Variants in CSMD1 observed in about 807,000 individuals in gnomAD.
CSMD1 encodes CUB and Sushi multiple domains 1.
Under a neutral mutation model 417.5 loss-of-function variants are expected in CSMD1, and 213 were observed. The observed-to-expected ratio is 0.51, with a 90% CI of 0.46 to 0.57. The LOEUF is 0.57. Ranked by LOEUF, CSMD1 falls within the 20% of genes least tolerant of loss-of-function variation. The probability of loss-of-function intolerance (pLI) is 0.00; values close to 1 mark genes in which losing one functional copy is unlikely to be tolerated. For missense variants in CSMD1, 6,923 were observed against 4,529.7 expected (o/e 1.53, Z -15.17); for synonymous variants, 2,862 against 1,736.8 (o/e 1.65, Z -16.11).
At chr8:3,290,182 C>A (rs1803445593) in intron 25 of CSMD1, among the ~76,000 whole-genome samples, 1 of 147,064 alleles carries the variant, frequency 6.8e-6, no homozygotes, top group African/African-American at 2.7e-5. Flanking sequence ...TTCCATTGGT[C>A]TCTATCTCTG....
intron 1 of CSMD1, among the ~76,000 whole-genome samples, chr8:4,864,875 TACAC>T (rs35135942): frequency 6.8e-6 from 1 of 146,896 alleles, no homozygotes; most frequent in South Asian, 2.1e-4. Context: ...TGGATTCTAC[TACAC>T]ACACACACAC....
chr8:4,367,164 T>G (rs896722429), intron 3 of CSMD1, among the ~76,000 whole-genome samples: 2 of 152,220 alleles, frequency 1.3e-5, no homozygotes, highest in African/African-American at 2.4e-5. Context: ...TTTCTATGAT[T>G]TTAATTGTGT....
At chr8:4,248,613 A>G (rs987880026) in intron 3 of CSMD1, among the ~76,000 whole-genome samples, 22 of 152,164 alleles carry the variant, frequency 1.4e-4, no homozygotes, top group Admixed American at 1.4e-3. Flanking sequence ...GAACTTCTCG[A>G]AAAGACCTTT....
chr8:4,337,794 A>C (rs1446884622), intron 3 of CSMD1, among the ~76,000 whole-genome samples: 1 of 152,172 alleles, frequency 6.6e-6, no homozygotes, highest in Non-Finnish European at 1.5e-5. Context: ...CACAGCTCTG[A>C]TAAATTTTTA....
At chr8:3,312,547 AG>A (rs1258659675) in intron 23 of CSMD1, among the ~76,000 whole-genome samples, 1 of 152,198 alleles carries the variant, frequency 6.6e-6, no homozygotes, top group Non-Finnish European at 1.5e-5. Flanking sequence ...GTTCTCTCAA[AG>A]CTCCTCGCAG....
chr8:4,394,432 G>A (rs754930398), intron 3 of CSMD1, among the ~76,000 whole-genome samples: 1 of 152,100 alleles, frequency 6.6e-6, no homozygotes, highest in Non-Finnish European at 1.5e-5. Flanking sequence ...TATTCAATAT[G>A]CGATTTTTAG....
intron 2 of CSMD1, among the ~76,000 whole-genome samples, chr8:4,424,632 G>T (rs974275591): frequency 6.6e-6 from 1 of 151,996 alleles, no homozygotes; most frequent in Non-Finnish European, 1.5e-5. Context: ...ATTTTCTGTA[G>T]AAAACAGAAA....
intron 12 of CSMD1, among the ~76,000 whole-genome samples, chr8:3,412,770 T>C (rs961155434): frequency 6.6e-6 from 1 of 152,030 alleles, no homozygotes; most frequent in Non-Finnish European, 1.5e-5. Context: ...GTTCTTGGAG[T>C]TTAGGTTGTT....
At chr8:4,206,670 C>A (rs985902040) in intron 3 of CSMD1, among the ~76,000 whole-genome samples, 5 of 152,164 alleles carry the variant, frequency 3.3e-5, no homozygotes, top group African/African-American at 7.2e-5. Context: ...TTTACAGCAG[C>A]ATGATCTAAA....
chr8:4,571,948 C>G (rs1798913836), intron 2 of CSMD1, among the ~76,000 whole-genome samples: 1 of 152,142 alleles, frequency 6.6e-6, no homozygotes, highest in South Asian at 2.1e-4. Context: ...GCAACCCATG[C>G]TTATTTTTTG....
At chr8:3,722,444 T>A (rs924033956) in intron 6 of CSMD1, among the ~76,000 whole-genome samples, 2 of 152,158 alleles carry the variant, frequency 1.3e-5, no homozygotes, top group African/African-American at 4.8e-5. Context: ...AAATAAATAT[T>A]AAAAAGTGCT....
chr8:4,354,869 T>TGTGG (rs1221969157), intron 3 of CSMD1, among the ~76,000 whole-genome samples: 1 of 116,272 alleles, frequency 8.6e-6, no homozygotes, highest in Non-Finnish European at 1.6e-5. Flanking sequence ...AAATGTAGTG[T>TGTGG]GTGTGTGTGT....
intron 2 of CSMD1, among the ~76,000 whole-genome samples, chr8:4,546,767 T>G (rs1007840798): frequency 6.6e-6 from 1 of 152,026 alleles, no homozygotes; most frequent in East Asian, 1.9e-4. Context: ...GCATATAAAT[T>G]ATACATGCTA....
At chr8:4,907,718 C>A (rs1482022574) in intron 1 of CSMD1, among the ~76,000 whole-genome samples, 1 of 113,716 alleles carries the variant, frequency 8.8e-6, no homozygotes, top group Non-Finnish European at 1.9e-5. Flanking sequence ...GCCACTATCC[C>A]CGGCAATTTT....
At chr8:4,635,844 G>C (rs904646991) in intron 2 of CSMD1, among the ~76,000 whole-genome samples, 1 of 151,984 alleles carries the variant, frequency 6.6e-6, no homozygotes, top group Non-Finnish European at 1.5e-5. Context: ...GTAATAAAAG[G>C]ACAGAGGAAA....
chr8:3,893,467 G>C (rs1007971779), intron 5 of CSMD1, among the ~76,000 whole-genome samples: 2 of 150,436 alleles, frequency 1.3e-5, no homozygotes, highest in Non-Finnish European at 3.0e-5. Flanking sequence ...CTTTTGCAAA[G>C]GATAAAGCAA....
chr8:3,639,985 G>A (rs981230962), intron 7 of CSMD1, among the ~76,000 whole-genome samples: 1 of 152,190 alleles, frequency 6.6e-6, no homozygotes, highest in Admixed American at 6.5e-5. Flanking sequence ...GCATCTAATA[G>A]TGGTTGGGAT....
At chr8:3,996,643 C>G (rs764698465) in intron 5 of CSMD1, among the ~76,000 whole-genome samples, 2 of 152,118 alleles carry the variant, frequency 1.3e-5, no homozygotes, top group Non-Finnish European at 1.5e-5. Context: ...TAAAGTCATA[C>G]AACCTACATT....
intron 6 of CSMD1, among the ~76,000 whole-genome samples, chr8:3,714,853 A>G (rs1224935882): frequency 6.6e-6 from 1 of 152,170 alleles, no homozygotes; most frequent in African/African-American, 2.4e-5. Flanking sequence ...ATTATCTCAG[A>G]GCTTTATCAA....
Sources: allele counts gnomAD v4.1 joint callset (sites outside exome capture counted in the v4.1 genomes callset), GRCh38; gene constraint gnomAD v4.1.1; transcripts MANE v1.5; gene names NCBI Gene and HGNC (gene_info 2026-07-23, HGNC 2026-07-21).